Variants in EYA3 observed in about 807,000 individuals in gnomAD.
EYA3 encodes protein phosphatase EYA3.
A neutral mutation model predicts 80.0 loss-of-function variants in EYA3; 39 were observed. The observed-to-expected ratio is 0.49, with a 90% CI of 0.38 to 0.64. The LOEUF is 0.64. Among genes scored for constraint, EYA3 ranks in the 30% least tolerant of loss-of-function variants. The pLI is 0.00. For synonymous variants in EYA3, 206 were observed against 232.8 expected (o/e 0.88, Z 1.05); for missense variants, 523 against 676.1 (o/e 0.77, Z 2.51).
chr1:28,026,542 C>T (rs535515523), intron 7 of EYA3, among the ~76,000 whole-genome samples: 4 of 151,954 alleles, frequency 2.6e-5, no homozygotes, highest in African/African-American at 4.8e-5. Flanking sequence ...CACTTTAGCC[C>T]GGAAGGTGAA....
intron 2 of EYA3, 69 bp from the exon 3 acceptor site, chr1:28,048,495 C>A: frequency 8.4e-7 from 1 of 1,192,208 alleles, no homozygotes. Context: ...GCTACTCAAA[C>A]AACAGGCTAT....
chr1:28,070,741 G>C (rs1265362926), intron 1 of EYA3, among the ~76,000 whole-genome samples: 3 of 152,132 alleles, frequency 2.0e-5, no homozygotes, highest in Admixed American at 6.5e-5. Context: ...GCATTCTCCT[G>C]CTGTCACTCT....
In EYA3 at chr1:27,974,279, G is replaced by A. The variant is rs896546194; in HGVS notation, c.*187C>T. ...AAAGACAGAGAGAGAGAGAGAGAGA[G>A]AGGCAGAGAGGGAGGGAGAGAGGAA... On this transcript the variant is annotated 3_prime_UTR_variant, in exon 18 of 18. Coordinates refer to ENST00000373871, the MANE Select transcript of EYA3 (RefSeq NM_001990.4). 4 of 432,802 alleles carry A rather than the reference G, an allele frequency of 9.2e-6. No individual in the cohort carries two copies. Among genetic ancestry groups the A allele is most frequent in the African/African-American group, 8.5e-5 (4 of 47,032 alleles). 26.8% of individuals were successfully genotyped at this position (432,802 alleles called of 1,614,324 possible). A position where few individuals can be genotyped will look rare whatever the true frequency, so the allele number is the denominator to read the frequency against.
intron 2 of EYA3, among the ~76,000 whole-genome samples, chr1:28,055,462 C>CTTTTTTTTTTTT (rs531586344): frequency 1.9e-5 from 2 of 106,952 alleles, no homozygotes; most frequent in African/African-American, 7.6e-5. Context: ...TAAAGAAAAT[C>CTTTTTTTTTTTT]TTTTTTTTTT....
chr1:27,995,592 C>T (rs1640396794), intron 13 of EYA3, among the ~76,000 whole-genome samples: 1 of 143,204 alleles, frequency 7.0e-6, no homozygotes. Flanking sequence ...AAAAATTAGC[C>T]AGGAGTGGTG....
At chr1:28,017,028 A>G in intron 8 of EYA3, 126 bp downstream of exon 8, 1 of 721,430 alleles carries the variant, frequency 1.4e-6, no homozygotes, top group Non-Finnish European at 2.3e-6. Flanking sequence ...GAAGGTATCC[A>G]GAAAAAAGTC....
At chr1:28,057,946 G>A in intron 2 of EYA3, 48 bp downstream of exon 2, 3 of 1,124,090 alleles carry the variant, frequency 2.7e-6, no homozygotes, top group Non-Finnish European at 3.8e-6. Flanking sequence ...AATCTCTTAA[G>A]ATTAGCTCTT....
chr1:28,074,441 A>G (rs915924294), intron 1 of EYA3, among the ~76,000 whole-genome samples: 1 of 152,018 alleles, frequency 6.6e-6, no homozygotes, highest in Non-Finnish European at 1.5e-5. Flanking sequence ...AACCAAGTGG[A>G]CTAATATAAT....
chr1:28,033,669 ATTT>A (rs869214526), intron 6 of EYA3, among the ~76,000 whole-genome samples: 1 of 126,072 alleles, frequency 7.9e-6, no homozygotes, highest in Admixed American at 8.2e-5. Flanking sequence ...TATTATTATT[ATTT>A]TTGAGACAGT....
intron 1 of EYA3, among the ~76,000 whole-genome samples, chr1:28,087,618 CAA>C (rs1645706706): frequency 6.6e-6 from 1 of 152,242 alleles, no homozygotes; most frequent in Non-Finnish European, 1.5e-5. Flanking sequence ...TCTATCATCA[CAA>C]GTGTCCTGTA....
intron 1 of EYA3, among the ~76,000 whole-genome samples, chr1:28,060,054 C>T (rs531134284): frequency 2.0e-5 from 3 of 152,230 alleles, no homozygotes; most frequent in East Asian, 3.9e-4. Context: ...CCATAGAAAA[C>T]TTACAACATT....
At chr1:28,055,204 GTGTAA>G (rs1174789684) in intron 2 of EYA3, among the ~76,000 whole-genome samples, 2 of 152,196 alleles carry the variant, frequency 1.3e-5, no homozygotes, top group Non-Finnish European at 2.9e-5. Context: ...GACTCTCAGT[GTGTAA>G]ACTGTAGTGT....
intron 2 of EYA3, among the ~76,000 whole-genome samples, chr1:28,051,167 A>G (rs770825924): frequency 1.3e-4 from 20 of 152,220 alleles, no homozygotes; most frequent in Non-Finnish European, 1.0e-4. Context: ...AAGCTCCGTT[A>G]GGGTTAAAAG....
rs528579151 is a variant in EYA3 at position 28,019,205 on chromosome 1, C to G, written c.500-1966G>C. ...AAAATTAAAACAACAAAAACAAAAA[C>G]AAATTTCCTAACTATCCAGAGTAAC... On this transcript the variant is annotated intron_variant, in intron 7 of 17. Transcript: ENST00000373871. Among the ~76,000 whole-genome samples the G allele has an allele frequency of 5.7e-4, 86 of 152,130 alleles. 1 individual carries two copies. The South Asian group carries it at 0.017, about 31-fold the overall frequency.
chr1:27,978,280 A>G, intron 17 of EYA3, 94 bp downstream of exon 17: 1 of 873,842 alleles, frequency 1.1e-6, no homozygotes, highest in Non-Finnish European at 1.8e-6. Context: ...AATATTATAA[A>G]TGCATAATAG....
intron 7 of EYA3, among the ~76,000 whole-genome samples, chr1:28,025,877 C>T (rs188877745): frequency 1.3e-5 from 2 of 152,198 alleles, no homozygotes; most frequent in Admixed American, 6.5e-5. Flanking sequence ...TCTCATACCT[C>T]GGCCTCCCGA....
intron 11 of EYA3, among the ~76,000 whole-genome samples, chr1:28,003,040 A>G (rs1183807456): frequency 6.7e-6 from 1 of 148,870 alleles, no homozygotes; most frequent in African/African-American, 2.5e-5. Context: ...GCGGATCACG[A>G]GGTCAGGAGA....
Position 28,004,435 on chromosome 1 carries a change from A to AT in EYA3, c.910-17dup. 1 of 1,584,316 alleles carries AT rather than the reference A, an allele frequency of 6.3e-7. No homozygotes were observed. The highest frequency in any genetic ancestry group is 1.3e-5 in the African/African-American group (1 of 74,488). On this transcript the variant is annotated splice_polypyrimidine_tract_variant and intron_variant, in intron 10 of 17. Coordinates refer to ENST00000373871, the MANE Select transcript of EYA3 (RefSeq NM_001990.4). Reference sequence around the variant, plus strand: ...GAAATACCCGCTGAGGAAAGAAAATATAAAAAATGAGTATATTTTCCAATT... The same window carrying AT: ...GAAATACCCGCTGAGGAAAGAAAATATTAAAAAATGAGTATATTTTCCAATT...
intron 1 of EYA3, among the ~76,000 whole-genome samples, chr1:28,069,224 C>T (rs1319146753): frequency 6.6e-6 from 1 of 152,094 alleles, no homozygotes; most frequent in African/African-American, 2.4e-5. Context: ...AATTCTCCTG[C>T]CTCAGCCTCC....
Sources: allele counts gnomAD v4.1 joint callset (sites outside exome capture counted in the v4.1 genomes callset), GRCh38; gene constraint gnomAD v4.1.1; transcripts MANE v1.5; gene names NCBI Gene and HGNC (gene_info 2026-07-23, HGNC 2026-07-21).